NR2F6: variants seen among roughly 807,000 people sequenced by gnomAD.
NR2F6 encodes nuclear receptor subfamily 2 group F member 6.
NR2F6 carries 16 observed loss-of-function variants against 26.5 expected under a neutral mutation model. That is an observed-to-expected ratio of 0.60 (90% CI 0.41 to 0.92). The LOEUF (loss-of-function observed/expected upper bound fraction) is 0.92. Ranked by LOEUF, NR2F6 falls within the 40% of genes least tolerant of loss-of-function variation. The probability of loss-of-function intolerance (pLI) is 0.00; values close to 1 mark genes in which losing one functional copy is unlikely to be tolerated. For missense variants in NR2F6, 536 were observed against 631.7 expected (o/e 0.85, Z 1.62); for synonymous variants, 325 against 305.0 (o/e 1.07, Z -0.68).
intron 2 of NR2F6, among the ~76,000 whole-genome samples, chr19:17,237,396 T>C (rs888509825): frequency 7.0e-6 from 1 of 142,424 alleles, no homozygotes; most frequent in African/African-American, 2.6e-5. Flanking sequence ...CCTTTCTTCC[T>C]CTCTCTCTCT....
Position 17,235,643 on chromosome 19 carries a change from G to A in NR2F6, c.796C>T (p.His266Tyr). The change falls in exon 3 of 4, where the codon CAC (histidine) becomes TAC (tyrosine). Residue 266 changes from histidine to tyrosine, a missense_variant. By Grantham distance (83) the His-to-Tyr change is moderately conservative. Transcript: ENST00000291442. This position sits in a 1 kb window ranked among gnomAD's most constrained non-coding sequence, Gnocchi z 5.0. ...TAPLLAAAGL[H>Y]AAPMAAERAV... ...CGCTCGGCGGCCATAGGCGCGGCGT[G>A]GAGGCCGGCGGCGGCCAGTAGCGGC... The A allele has an allele frequency of 6.5e-7, 1 of 1,530,208 alleles. No individual in the cohort carries two copies. The highest frequency in any genetic ancestry group is 2.0e-5 in the Admixed American group (1 of 50,628). The allele number at this position is 1,530,208 out of a possible 1,614,324, so 94.8% of individuals were successfully genotyped here.
intron 1 of NR2F6, among the ~76,000 whole-genome samples, chr19:17,242,740 G>A (rs893461336): frequency 1.3e-5 from 2 of 152,210 alleles, no homozygotes; most frequent in African/African-American, 4.8e-5. Context: ...CAGGCAGGCA[G>A]AGGCCCAGCT....
chr19:17,234,939 T>C (rs916907634), intron 3 of NR2F6, among the ~76,000 whole-genome samples: 2 of 152,228 alleles, frequency 1.3e-5, no homozygotes, highest in African/African-American at 4.8e-5. Context: ...TACGATGGGC[T>C]ACCACTGCTA....
At position 17,238,923 on chromosome 19, in the gene NR2F6, G is replaced by A. The variant is rs142059658; in HGVS notation, c.373+1748C>T. 5.1e-4 allele frequency among the ~76,000 whole-genome samples: 77 copies of A among 152,236 alleles called. No individual in the cohort carries two copies. The East Asian group carries it at 0.013, about 25-fold the overall frequency. On this transcript the variant is annotated intron_variant, in intron 2 of 3. Coordinates refer to ENST00000291442, the MANE Select transcript of NR2F6 (RefSeq NM_005234.4). ...TCTCTAGAAAATAAAAAAAGCTGCC[G>A]GGTGGGGTGGCTCATGCCTATAATC...
At chr19:17,238,123 C>T (rs977688521) in intron 2 of NR2F6, among the ~76,000 whole-genome samples, 1 of 152,078 alleles carries the variant, frequency 6.6e-6, no homozygotes, top group Admixed American at 6.6e-5. Flanking sequence ...CAGAGTGAGA[C>T]CCCGTCTCAA....
Position 17,232,734 on chromosome 19 carries a change from C to T in NR2F6, c.941-108G>A, listed in dbSNP as rs903240908. On this transcript the variant is annotated intron_variant, in intron 3 of 3. Transcript: ENST00000291442. Reference sequence around the variant, plus strand: ...GCCACTGTGGGTAAGAACAGGGGGCCGGGCATGATGGCTCACGGCCACAGT... The same window carrying T: ...GCCACTGTGGGTAAGAACAGGGGGCTGGGCATGATGGCTCACGGCCACAGT... 32 of 1,323,112 alleles carry T rather than the reference C, an allele frequency of 2.4e-5. No homozygotes were observed. In the African/African-American group the frequency reaches 3.4e-4, roughly 14 times the overall value. 82.0% of individuals were successfully genotyped at this position (1,323,112 alleles called of 1,614,324 possible).
At chr19:17,243,498 C>T (rs1229573753) in intron 1 of NR2F6, among the ~76,000 whole-genome samples, 1 of 152,126 alleles carries the variant, frequency 6.6e-6, no homozygotes, top group Non-Finnish European at 1.5e-5. Flanking sequence ...CTGACACCAC[C>T]CTCAGGAAGC....
intron 2 of NR2F6, among the ~76,000 whole-genome samples, chr19:17,237,617 G>A (rs1472056915): frequency 6.6e-6 from 1 of 151,890 alleles, no homozygotes; most frequent in Admixed American, 6.6e-5. Flanking sequence ...TCACCATGTT[G>A]GCCAGGATGG....
At chr19:17,243,900 T>C (rs1422964004) in intron 1 of NR2F6, among the ~76,000 whole-genome samples, 1 of 152,148 alleles carries the variant, frequency 6.6e-6, no homozygotes, top group African/African-American at 2.4e-5. Flanking sequence ...CTCTGGGCCT[T>C]TGGGCCTCTG....
At chr19:17,240,560 C>A in intron 2 of NR2F6, 111 bp downstream of exon 2, 1 of 1,178,768 alleles carries the variant, frequency 8.5e-7, no homozygotes, top group Non-Finnish European at 1.3e-6. Context: ...ACCCAGACCC[C>A]TGTGAAAGGG....
rs2073428977 is a variant in NR2F6, at chr19:17,235,210, A to C, written c.940+289T>G. On this transcript the variant is annotated intron_variant, in intron 3 of 3. Transcript: ENST00000291442. The surrounding 1 kb of genome is among the most constrained non-coding windows in gnomAD (Gnocchi z 5.0). ...GGTCTCAGGGAGCCTGGGAACAGGAAGAGGGTTCTGGGGTCTGGGCCCTGG... is the reference window on the plus strand; with the variant it reads ...GGTCTCAGGGAGCCTGGGAACAGGACGAGGGTTCTGGGGTCTGGGCCCTGG... Among the ~76,000 whole-genome samples the C allele has an allele frequency of 6.6e-6, 1 of 152,218 alleles. No individual in the cohort carries two copies. The highest frequency in any genetic ancestry group is 2.1e-4 in the South Asian group (1 of 4,832).
At chr19:17,234,004 C>T (rs1461375549) in intron 3 of NR2F6, among the ~76,000 whole-genome samples, 3 of 151,794 alleles carry the variant, frequency 2.0e-5, no homozygotes, top group Non-Finnish European at 4.4e-5. Flanking sequence ...GCGGGCAGAT[C>T]ATGAGGTCAG....
intron 3 of NR2F6, among the ~76,000 whole-genome samples, chr19:17,234,489 C>A (rs1284223154): frequency 6.6e-6 from 1 of 152,060 alleles, no homozygotes; most frequent in Non-Finnish European, 1.5e-5. Flanking sequence ...TGGTTCCTAG[C>A]CCCAAAGATA....
rs1485393172 is a variant in NR2F6, at chr19:17,245,155, G to A, written c.66C>T (p.Gly22=). The A allele has an allele frequency of 6.2e-5, 89 of 1,431,074 alleles. No individual in the cohort carries two copies. The East Asian group carries it at 2.6e-3, about 42-fold the overall frequency. The allele number at this position is 1,431,074 out of a possible 1,614,324, so 88.6% of individuals were successfully genotyped here. ...CGTCCTCGGCCGCGCGCGGGTAGCC[G>A]CCCGCCTTGTCCACGCCGTTCGTGT... is the stretch of plus-strand genomic sequence containing the variant. ...GGDTNGVDKA[G]GYPRAAEDDS... Residue 22 remains glycine (G), a synonymous_variant, in exon 1 of 4, where the codon GGC becomes GGT. Transcript: ENST00000291442. This position sits in a 1 kb window ranked among gnomAD's most constrained non-coding sequence, Gnocchi z 5.0.
At chr19:17,233,840 A>C (rs2073421224) in intron 3 of NR2F6, among the ~76,000 whole-genome samples, 1 of 151,590 alleles carries the variant, frequency 6.6e-6, no homozygotes, top group South Asian at 2.1e-4. Context: ...CTGGGAAGGG[A>C]ATTTGATGAG....
In NR2F6 at chr19:17,245,044, G is replaced by T; in HGVS notation, c.177C>A (p.Cys59Ter). 6.2e-7 allele frequency: 1 copy of T among 1,602,222 alleles called. No homozygotes were observed. The change falls in exon 1 of 4, where the codon TGC (cysteine) becomes TGA (stop). Residue 59 changes from cysteine to a stop codon, truncating the protein, a stop_gained. Coordinates refer to ENST00000291442, the MANE Select transcript of NR2F6 (RefSeq NM_005234.4). LOFTEE classifies it high-confidence loss of function. This position sits in a 1 kb window ranked among gnomAD's most constrained non-coding sequence, Gnocchi z 5.0. ...AATGCTTGCCGCTCGACTTGTCCCC[G>T]CACACCACGCAGTCCACCTGCAGCC... ...RPGLQVDCVV[C>*]GDKSSGKHYG...
chr19:17,239,336 A>AAAAACAAAAC (rs137878588), intron 2 of NR2F6, among the ~76,000 whole-genome samples: 6 of 149,360 alleles, frequency 4.0e-5, no homozygotes, highest in Admixed American at 4.0e-4. Flanking sequence ...ACTCTGTCTC[A>AAAAACAAAAC]AAAACAAAAC....
intron 1 of NR2F6, among the ~76,000 whole-genome samples, 181 bp downstream of exon 1, chr19:17,244,762 G>C (rs2073487770): frequency 6.6e-6 from 1 of 152,182 alleles, no homozygotes; most frequent in South Asian, 2.1e-4. Context: ...ACGATGTAGC[G>C]CCGACTGTAT....
At position 17,232,169 on chromosome 19, in the gene NR2F6, CTT is replaced by C; in HGVS notation, c.*181_*182del. 2 of 878,154 alleles carry C rather than the reference CTT, an allele frequency of 2.3e-6. No individual in the cohort carries two copies. The highest frequency in any genetic ancestry group is 1.8e-5 in the South Asian group (1 of 55,320). The allele number at this position is 878,154 out of a possible 1,614,324, so 54.4% of individuals were successfully genotyped here. A position where few individuals can be genotyped will look rare whatever the true frequency, so the allele number is the denominator to read the frequency against. On this transcript the variant is annotated 3_prime_UTR_variant, in exon 4 of 4. Transcript: ENST00000291442. Reference sequence around the variant, plus strand: ...AGGCTGAGGCCTGGATGATCAGTCTCTTTTTGGTTTCATGATCATTTAAAAAA... The same window carrying C: ...AGGCTGAGGCCTGGATGATCAGTCTCTTTGGTTTCATGATCATTTAAAAAA...
Sources: allele counts gnomAD v4.1 joint callset (sites outside exome capture counted in the v4.1 genomes callset), GRCh38; gene constraint gnomAD v4.1.1; non-coding constraint Gnocchi (gnomAD v3.1); transcripts MANE v1.5; gene names NCBI Gene and HGNC (gene_info 2026-07-23, HGNC 2026-07-21).